MAGEC3: variants seen among roughly 807,000 people sequenced by gnomAD.
MAGEC3 encodes MAGE family member C3.
MAGEC3 carries 34 observed loss-of-function variants against 35.3 expected under a neutral mutation model. The ratio of observed to expected loss-of-function variants is 0.96; its 90% confidence interval spans 0.73 to 1.28. The LOEUF is 1.28. Among genes scored for constraint, MAGEC3 ranks in the 50% most tolerant of loss-of-function variants. MAGEC3 has a pLI of 0.00. For synonymous variants in MAGEC3, 202 were observed against 185.6 expected, an observed-to-expected ratio of 1.09 and a Z score of -0.72; for missense variants, 561 against 483.6, an observed-to-expected ratio of 1.16 and a Z score of -1.50.
At chrX:141,882,053 A>G (rs191408296) in intron 4 of MAGEC3, among the ~76,000 whole-genome samples, 1 of 111,776 alleles carries the variant, frequency 8.9e-6, no homozygotes, top group African/African-American at 3.3e-5. Flanking sequence ...TGGAAGACAG[A>G]GCCCAGGCCA....
chrX:141,897,806 A>G lies in MAGEC3; in HGVS notation c.1906A>G (p.Met636Val), dbSNP rs761683987. ...CATGGCCAGTGCAAGCCCCAGTGTC[A>G]TGTCCACCAACTTCTGTCCTGAGTG... ...TAMASASPSV[M>V]STNFCPE The change falls in exon 8 of 8, where the codon ATG becomes GTG. Residue 636 changes from methionine to valine, a missense_variant. Transcript: ENST00000298296. 1.6e-5 allele frequency: 19 copies of G among 1,199,523 alleles called. No homozygotes were observed. The highest frequency in any genetic ancestry group is 2.1e-5 in the Non-Finnish European group (19 of 889,988).
At chrX:141,847,701 G>A (rs1328522827) in intron 1 of MAGEC3, among the ~76,000 whole-genome samples, 1 of 111,022 alleles carries the variant, frequency 9.0e-6, no homozygotes, top group Non-Finnish European at 1.9e-5. Context: ...AATTTATGGG[G>A]TCTGGCTAAA....
At chrX:141,848,291 G>GA (rs1336311787) in intron 1 of MAGEC3, among the ~76,000 whole-genome samples, 4 of 105,849 alleles carry the variant, frequency 3.8e-5, no homozygotes, top group Non-Finnish European at 5.9e-5. Flanking sequence ...TCAGAAAGGA[G>GA]AAAAAAAAAT....
At chrX:141,855,494 C>T (rs185767859) in intron 1 of MAGEC3, among the ~76,000 whole-genome samples, 18 of 108,928 alleles carry the variant, frequency 1.7e-4, no homozygotes, top group African/African-American at 5.9e-4. Flanking sequence ...GTATCTTTCA[C>T]AGCTATAATC....
intron 4 of MAGEC3, among the ~76,000 whole-genome samples, chrX:141,890,112 T>C (rs1002716701): frequency 1.3e-4 from 14 of 111,783 alleles, no homozygotes; most frequent in African/African-American, 3.6e-4. Flanking sequence ...GAAGGAGAGT[T>C]GTATTAACTC....
At chrX:141,867,210 T>G (rs2017854778) in intron 2 of MAGEC3, among the ~76,000 whole-genome samples, 1 of 111,793 alleles carries the variant, frequency 8.9e-6, no homozygotes, top group Non-Finnish European at 1.9e-5. Flanking sequence ...CTTACAGTTG[T>G]AAGAATCAAA....
intron 4 of MAGEC3, among the ~76,000 whole-genome samples, chrX:141,887,135 C>A (rs978579022): frequency 2.4e-4 from 27 of 112,662 alleles, no homozygotes; most frequent in African/African-American, 6.8e-4. Context: ...ATTGATTTGG[C>A]AAATGCCTTT....
At chrX:141,887,791 T>G (rs1000567476) in intron 4 of MAGEC3, among the ~76,000 whole-genome samples, 1 of 111,938 alleles carries the variant, frequency 8.9e-6, no homozygotes, top group African/African-American at 3.3e-5. Context: ...TTAAACCTTT[T>G]GGCAGGCCCC....
intron 2 of MAGEC3, among the ~76,000 whole-genome samples, chrX:141,877,718 G>GT (rs2017928669): frequency 9.0e-6 from 1 of 111,613 alleles, no homozygotes; most frequent in Non-Finnish European, 1.9e-5. Context: ...CTTAAAAGAT[G>GT]TATCTGTTGT....
intron 1 of MAGEC3, among the ~76,000 whole-genome samples, chrX:141,850,985 T>A (rs1449995717): frequency 9.0e-6 from 1 of 111,193 alleles, no homozygotes; most frequent in Non-Finnish European, 1.9e-5. Context: ...CTCAGATTAC[T>A]TCAGTAATAA....
At chrX:141,886,740 C>T (rs185635893) in intron 4 of MAGEC3, among the ~76,000 whole-genome samples, 4 of 111,274 alleles carry the variant, frequency 3.6e-5, no homozygotes, top group East Asian at 2.9e-4. Flanking sequence ...CCCACATTGG[C>T]TCCCTGACTG....
At position 141,881,797 on chromosome X, in the gene MAGEC3, G is replaced by T. The variant is rs759499415; in HGVS notation, c.909+1G>T. On this transcript the variant is annotated splice_donor_variant, in intron 4 of 7. Coordinates refer to ENST00000298296, the MANE Select transcript of MAGEC3 (RefSeq NM_138702.1). LOFTEE classifies it high-confidence loss of function. ...CTGGGAAGTGCTGAATGCAATAGGG[G>T]TGTGTGCTCAGAGGGAGCATTTCGT... is the stretch of plus-strand genomic sequence containing the variant. The T allele has an allele frequency of 3.3e-6, 4 of 1,209,449 alleles. No homozygotes were observed. The highest frequency in any genetic ancestry group is 4.5e-6 in the Non-Finnish European group (4 of 895,083).
Position 141,881,384 on chromosome X carries a change from A to G in MAGEC3, c.516-19A>G. On this transcript the variant is annotated intron_variant, in intron 3 of 7. Coordinates refer to ENST00000298296, the MANE Select transcript of MAGEC3 (RefSeq NM_138702.1). ...GAGCCTAGCAGCCAATAAGATGAAGATACAAGTACCTGGCACAGCTTGCCA... is the reference window on the plus strand; with the variant it reads ...GAGCCTAGCAGCCAATAAGATGAAGGTACAAGTACCTGGCACAGCTTGCCA... 1 of 1,177,256 alleles carries G rather than the reference A, an allele frequency of 8.5e-7. No individual in the cohort carries two copies. Among genetic ancestry groups the G allele is most frequent in the Middle Eastern group, 2.4e-4 (1 of 4,182 alleles).
intron 4 of MAGEC3, among the ~76,000 whole-genome samples, chrX:141,887,111 C>T (rs1187551601): frequency 8.9e-6 from 1 of 112,534 alleles, no homozygotes; most frequent in African/African-American, 3.2e-5. Flanking sequence ...TCTCCTGATA[C>T]CTGGGATGCA....
chrX:141,840,792 C>A (rs772175306), intron 1 of MAGEC3, among the ~76,000 whole-genome samples: 39 of 106,784 alleles, frequency 3.7e-4, no homozygotes, highest in African/African-American at 1.2e-3. Flanking sequence ...AAAAAAAAAA[C>A]CCCACAAGAA....
Position 141,865,588 on chromosome X carries a change from T to C in MAGEC3, c.241T>C (p.Cys81Arg), listed in dbSNP as rs2017843298. 3 of 1,205,012 alleles carry C rather than the reference T, an allele frequency of 2.5e-6. No individual in the cohort carries two copies. Among genetic ancestry groups the C allele is most frequent in the Admixed American group, 2.2e-5 (1 of 45,435 alleles). Reference protein sequence around the residue: ...SDQRMDSLVLCPTYFKLWRTL... With the variant: ...SDQRMDSLVLRPTYFKLWRTL... ...TCAGCGAATGGATAGTCTTGTCCTC[T>C]GCCCCACATACTTCAAGGTAAGGAC... The change falls in exon 2 of 8, where the codon TGC becomes CGC. Residue 81 changes from cysteine (C) to arginine (R), a missense_variant. By Grantham distance (180) the Cys-to-Arg change is radical (BLOSUM62 -3). Coordinates refer to ENST00000298296, the MANE Select transcript of MAGEC3 (RefSeq NM_138702.1).
At chrX:141,855,026 G>A (rs148148410) in intron 1 of MAGEC3, among the ~76,000 whole-genome samples, 1,172 of 111,369 alleles carry the variant, frequency 0.011, 10 homozygotes, top group African/African-American at 0.035. Flanking sequence ...CAAAATATAA[G>A]TATTTCAGAA....
intron 2 of MAGEC3, among the ~76,000 whole-genome samples, chrX:141,868,603 G>A (rs1294485011): frequency 1.8e-5 from 2 of 111,020 alleles, no homozygotes; most frequent in Non-Finnish European, 3.8e-5. Flanking sequence ...TTTCATGGAA[G>A]GAATTTGAGA....
chrX:141,855,123 C>A (rs185535443), intron 1 of MAGEC3, among the ~76,000 whole-genome samples: 1 of 110,830 alleles, frequency 9.0e-6, no homozygotes, highest in African/African-American at 3.3e-5. Context: ...ACAGGTAACA[C>A]GGAAAAATTC....
Sources: allele counts gnomAD v4.1 joint callset (sites outside exome capture counted in the v4.1 genomes callset), GRCh38; gene constraint gnomAD v4.1.1; transcripts MANE v1.5; gene names NCBI Gene and HGNC (gene_info 2026-07-23, HGNC 2026-07-21).